Variants in NTM observed in about 807,000 individuals in gnomAD.
NTM encodes IgLON family member 2.
In NTM, 13 loss-of-function variants were observed where a neutral mutation model predicts 42.1. That is an observed-to-expected ratio of 0.31 (90% CI 0.20 to 0.49). The LOEUF is 0.49. NTM is among the 20% of genes least tolerant of loss of function. NTM has a pLI of 0.99. For missense variants in NTM, 373 were observed against 452.8 expected, an observed-to-expected ratio of 0.82 and a Z score of 1.60; for synonymous variants, 187 against 179.2, an observed-to-expected ratio of 1.04 and a Z score of -0.35.
At chr11:132,085,414 T>C (rs2059581635) in intron 2 of NTM, among the ~76,000 whole-genome samples, 1 of 152,234 alleles carries the variant, frequency 6.6e-6, no homozygotes, top group South Asian at 2.1e-4. Flanking sequence ...CCTTAACAAT[T>C]GTGAAGCAGG....
intron 2 of NTM, among the ~76,000 whole-genome samples, chr11:132,131,935 G>T (rs2066894220): frequency 6.6e-6 from 1 of 152,086 alleles, no homozygotes; most frequent in African/African-American, 2.4e-5. Context: ...ATGCATGCAG[G>T]GAAATAACTA....
intron 2 of NTM, among the ~76,000 whole-genome samples, chr11:132,070,959 G>A (rs1280993041): frequency 7.3e-4 from 78 of 106,706 alleles, no homozygotes; most frequent in South Asian, 1.5e-3. Flanking sequence ...CAAACTGACC[G>A]TCACAGGTTA....
chr11:132,270,735 A>G (rs1900925), intron 4 of NTM, among the ~76,000 whole-genome samples: 43,350 of 151,396 alleles, frequency 0.29, 6,858 homozygotes, highest in Middle Eastern at 0.5. Flanking sequence ...ATAAAAAACA[A>G]TTTTGAAAAA....
chr11:132,302,015 C>G (rs907855817), intron 4 of NTM, among the ~76,000 whole-genome samples: 1 of 152,122 alleles, frequency 6.6e-6, no homozygotes, highest in Non-Finnish European at 1.5e-5. Context: ...TCTATGAAGT[C>G]AGAAATGTGG....
At chr11:132,031,543 A>G (rs538782558) in intron 2 of NTM, among the ~76,000 whole-genome samples, 129 of 152,206 alleles carry the variant, frequency 8.5e-4, no homozygotes, top group Admixed American at 3.5e-3. Flanking sequence ...AGATAAAGAG[A>G]TGGGTCAAGG....
At chr11:132,103,961 C>T (rs2061946037) in intron 2 of NTM, among the ~76,000 whole-genome samples, 1 of 152,162 alleles carries the variant, frequency 6.6e-6, no homozygotes. Flanking sequence ...TTCAAATAGT[C>T]TATTAGTAGC....
intron 1 of NTM, among the ~76,000 whole-genome samples, chr11:131,667,279 C>T (rs749170374): frequency 6.6e-6 from 1 of 152,150 alleles, no homozygotes; most frequent in African/African-American, 2.4e-5. Context: ...TTGTTCCAGC[C>T]ACCTGGGCTT....
intron 1 of NTM, among the ~76,000 whole-genome samples, chr11:131,503,527 A>ATT (rs34452341): frequency 2.8e-4 from 41 of 146,104 alleles, no homozygotes; most frequent in African/African-American, 8.6e-4. Flanking sequence ...TGAGGTTACA[A>ATT]TTTTTTTTTT....
intron 2 of NTM, among the ~76,000 whole-genome samples, chr11:132,012,441 GC>G (rs139627199): frequency 0.086 from 13,025 of 152,146 alleles, 747 homozygotes; most frequent in Non-Finnish European, 0.13. Context: ...TTTTAAATTA[GC>G]ACAGTCTGAA....
intron 2 of NTM, among the ~76,000 whole-genome samples, chr11:131,959,212 G>T (rs1485208454): frequency 6.6e-6 from 1 of 152,122 alleles, no homozygotes; most frequent in South Asian, 2.1e-4. Flanking sequence ...CCGCAGATTT[G>T]CCCAATCTTT....
chr11:131,608,165 C>A (rs1009616608), intron 1 of NTM, among the ~76,000 whole-genome samples: 3 of 152,094 alleles, frequency 2.0e-5, no homozygotes, highest in East Asian at 1.9e-4. Flanking sequence ...TTTATCCTTG[C>A]GATAGTTTGC....
At chr11:131,398,269 A>G (rs1944769328) in intron 1 of NTM, among the ~76,000 whole-genome samples, 1 of 152,196 alleles carries the variant, frequency 6.6e-6, no homozygotes, top group African/African-American at 2.4e-5. Flanking sequence ...TTAACCCAAC[A>G]TTCTCAGTTG....
intron 1 of NTM, among the ~76,000 whole-genome samples, chr11:131,489,533 G>T (rs1162910854): frequency 1.3e-5 from 2 of 152,198 alleles, no homozygotes; most frequent in African/African-American, 4.8e-5. Context: ...GACTTGGAAG[G>T]TCTAGGAAAC....
At chr11:131,963,433 A>G (rs184187834) in intron 2 of NTM, among the ~76,000 whole-genome samples, 26 of 152,366 alleles carry the variant, frequency 1.7e-4, no homozygotes, top group Admixed American at 1.7e-3. Context: ...TCCTCTGCTC[A>G]GAAGGGAGAT....
At chr11:131,949,112 A>G (rs1035998019) in intron 2 of NTM, among the ~76,000 whole-genome samples, 6 of 152,190 alleles carry the variant, frequency 3.9e-5, no homozygotes, top group Admixed American at 3.9e-4. Context: ...TATTTCACCT[A>G]GTGTGATGTC....
intron 1 of NTM, among the ~76,000 whole-genome samples, chr11:131,572,748 C>T (rs2057568853): frequency 1.3e-5 from 2 of 152,186 alleles, no homozygotes; most frequent in East Asian, 1.9e-4. Flanking sequence ...GCGTGATTTG[C>T]ACTTTCAGGC....
In NTM at chr11:132,310,188, A is replaced by C. The variant is rs1380826267; in HGVS notation, c.738A>C (p.Ser246=). ...AGGGGACACTGCAGTGTGAAGCCTC[A>C]GCAGTCCCCTCAGCAGAATTCCAGT... The part of the protein sequence containing the change: ...GQKGTLQCEA[S]AVPSAEFQWY... Residue 246 remains serine (S), a synonymous_variant, in exon 6 of 9, where the codon TCA becomes TCC. Transcript: ENST00000683400. The C allele has an allele frequency of 6.2e-7, 1 of 1,610,950 alleles. No individual in the cohort carries two copies. The highest frequency in any genetic ancestry group is 8.5e-7 in the Non-Finnish European group (1 of 1,178,682).
intron 2 of NTM, among the ~76,000 whole-genome samples, chr11:131,975,596 G>A (rs755737838): frequency 2.0e-5 from 3 of 152,174 alleles, no homozygotes; most frequent in Non-Finnish European, 2.9e-5. Context: ...AAGGGCCTAC[G>A]TGAATGAATT....
At chr11:131,759,510 T>A (rs1309003467) in intron 1 of NTM, among the ~76,000 whole-genome samples, 1 of 152,172 alleles carries the variant, frequency 6.6e-6, no homozygotes, top group Non-Finnish European at 1.5e-5. Context: ...CTCTTCTCTC[T>A]TCCTCCTTTT....
Sources: allele counts gnomAD v4.1 joint callset (sites outside exome capture counted in the v4.1 genomes callset), GRCh38; gene constraint gnomAD v4.1.1; transcripts MANE v1.5; gene names NCBI Gene and HGNC (gene_info 2026-07-23, HGNC 2026-07-21).